BUB1: variants seen among roughly 807,000 people sequenced by gnomAD.
BUB1 encodes mitotic checkpoint serine/threonine-protein kinase BUB1.
In BUB1, 84 loss-of-function variants were observed where a neutral mutation model predicts 135.2. The observed-to-expected ratio is 0.62, with a 90% CI of 0.52 to 0.74. The LOEUF is 0.74. BUB1 is among the 30% of genes least tolerant of loss of function. BUB1 has a pLI of 0.00. For missense variants in BUB1, 1,162 were observed against 1,288.3 expected (o/e 0.90, Z 1.50); for synonymous variants, 403 against 434.4 (o/e 0.93, Z 0.90).
Position 110,660,026 on chromosome 2 carries a change from T to C in BUB1, c.1228A>G (p.Lys410Glu). 1 of 1,610,972 alleles carries C rather than the reference T, an allele frequency of 6.2e-7. No individual in the cohort carries two copies. Among genetic ancestry groups the C allele is most frequent in the South Asian group, 1.1e-5 (1 of 90,946 alleles). The change falls in exon 11 of 25, where the codon AAG becomes GAG. Residue 410 changes from lysine (K) to glutamate (E), a missense_variant. Coordinates refer to ENST00000302759, the MANE Select transcript of BUB1 (RefSeq NM_004336.5). ...VASKDAGCVNKSTHEFKPQSG... is the reference protein window; with the variant it reads ...VASKDAGCVNESTHEFKPQSG... ...TGTGGCTTGAATTCATGAGTACTCT[T>C]ATTCACACATCTGGAAGAGAAAACT...
chr2:110,641,427 A>G lies in BUB1; in HGVS notation c.2663T>C (p.Val888Ala). 6.2e-7 allele frequency: 1 copy of G among 1,613,642 alleles called. No homozygotes were observed. The highest frequency in any genetic ancestry group is 8.5e-7 in the Non-Finnish European group (1 of 1,179,924). The change falls in exon 22 of 25, where the codon GTG becomes GCG. Residue 888 changes from valine to alanine, a missense_variant. Val to Ala is a moderately conservative substitution (Grantham distance 64). Coordinates refer to ENST00000302759, the MANE Select transcript of BUB1 (RefSeq NM_004336.5). ...INLYKNTPEKVMPQGLVISFA... is the reference protein window; with the variant it reads ...INLYKNTPEKAMPQGLVISFA... Reference sequence around the variant, plus strand: ...AGAGATGACAAGACCTTGAGGCATCACTTTTTCAGGGGTATTTTTATAGAG... The same window carrying G: ...AGAGATGACAAGACCTTGAGGCATCGCTTTTTCAGGGGTATTTTTATAGAG...
At chr2:110,674,020 T>C (rs910704900) in intron 3 of BUB1, 66 bp downstream of exon 3, 1 of 1,274,410 alleles carries the variant, frequency 7.8e-7, no homozygotes, top group Middle Eastern at 2.6e-4. Context: ...GATCTTACAA[T>C]CTAAGTTTAA....
In BUB1 at chr2:110,649,248, G is replaced by A. The variant is rs1348002488; in HGVS notation, c.2333C>T (p.Thr778Ile). The A allele has an allele frequency of 1.9e-6, 3 of 1,609,110 alleles. No homozygotes were observed. Among genetic ancestry groups the A allele is most frequent in the Non-Finnish European group, 2.5e-6 (3 of 1,178,526 alleles). ...QCKLPAIKPKTEFQLGSKLVY... is the reference protein window; with the variant it reads ...QCKLPAIKPKIEFQLGSKLVY... ...ATAATTCTTACCCAATTGAAATTCAGTCTTGGGCTTGATGGCTGGAAGTTT... is the reference window on the plus strand; with the variant it reads ...ATAATTCTTACCCAATTGAAATTCAATCTTGGGCTTGATGGCTGGAAGTTT... Residue 778 changes from threonine to isoleucine, a missense_variant, in exon 19 of 25, where the codon ACT (threonine) becomes ATT (isoleucine). Thr to Ile is a moderately conservative substitution (Grantham distance 89, BLOSUM62 -1). Coordinates refer to ENST00000302759, the MANE Select transcript of BUB1 (RefSeq NM_004336.5).
intron 9 of BUB1, among the ~76,000 whole-genome samples, chr2:110,663,843 C>T (rs781205140): frequency 4.5e-4 from 68 of 152,076 alleles, no homozygotes; most frequent in Non-Finnish European, 6.3e-4. Context: ...CCTGGTAACA[C>T]GGTGAAACCC....
At position 110,637,676 on chromosome 2, in the gene BUB1, G is replaced by T; in HGVS notation, c.*288C>A. The T allele has an allele frequency of 5.1e-6, 1 of 197,576 alleles. No individual in the cohort carries two copies. Among genetic ancestry groups the T allele is most frequent in the East Asian group, 1.1e-4 (1 of 8,802 alleles). The allele number at this position is 197,576 out of a possible 1,614,324, so 12.2% of individuals were successfully genotyped here. On this transcript the variant is annotated 3_prime_UTR_variant, in exon 25 of 25. Transcript: ENST00000302759. Reference sequence around the variant, plus strand: ...AAATAGCTGTCTTGGCCCTTTTTTGGCTTAAACAGGTCAGTGTTTAAAAAG... The same window carrying T: ...AAATAGCTGTCTTGGCCCTTTTTTGTCTTAAACAGGTCAGTGTTTAAAAAG...
At chr2:110,644,739 A>T (rs1328995030) in intron 19 of BUB1, among the ~76,000 whole-genome samples, 1 of 152,188 alleles carries the variant, frequency 6.6e-6, no homozygotes, top group Non-Finnish European at 1.5e-5. Flanking sequence ...TGCAAGCAAG[A>T]AGAGAGTGGA....
intron 19 of BUB1, among the ~76,000 whole-genome samples, chr2:110,645,232 G>A (rs1228463796): frequency 6.6e-6 from 1 of 152,054 alleles, no homozygotes; most frequent in Non-Finnish European, 1.5e-5. Context: ...TCAGGAGTTT[G>A]AGACCAGCCT....
chr2:110,664,579 T>C (rs1266810621), intron 9 of BUB1, among the ~76,000 whole-genome samples: 1 of 151,376 alleles, frequency 6.6e-6, no homozygotes, highest in Non-Finnish European at 1.5e-5. Context: ...TGTTGCCTTT[T>C]TTTTTTTTTT....
intron 9 of BUB1, among the ~76,000 whole-genome samples, chr2:110,663,133 A>C (rs951562899): frequency 2.6e-5 from 4 of 152,146 alleles, no homozygotes; most frequent in Non-Finnish European, 5.9e-5. Flanking sequence ...AGAAAAAATT[A>C]GCTGGGCATG....
intron 11 of BUB1, 116 bp from the exon 12 acceptor site, chr2:110,658,858 C>G: frequency 7.6e-7 from 1 of 1,319,938 alleles, no homozygotes; most frequent in Non-Finnish European, 1.0e-6. Context: ...AAAATTATCA[C>G]TAAGAATTTC....
rs772559602 is a variant in BUB1 at position 110,669,497 on chromosome 2, T to G, written c.523A>C (p.Lys175Gln). ...GCCATGTTATTTCCTGGATTTGATT[T>G]TGATGTTATCATTTGATTTAAAACC... ...VQVLNQMITS[K>Q]SNPGNNMACI... The change falls in exon 6 of 25, where the codon AAA becomes CAA. Residue 175 changes from lysine (K) to glutamine (Q), a missense_variant. Lys to Gln is a moderately conservative substitution (Grantham distance 53). Transcript: ENST00000302759. The G allele has an allele frequency of 5.0e-6, 8 of 1,609,308 alleles. No homozygotes were observed. The highest frequency in any genetic ancestry group is 6.8e-6 in the Non-Finnish European group (8 of 1,175,652).
At chr2:110,647,482 C>T (rs1232811674) in intron 19 of BUB1, among the ~76,000 whole-genome samples, 1 of 151,878 alleles carries the variant, frequency 6.6e-6, no homozygotes, top group East Asian at 1.9e-4. Context: ...AACAAAGAAT[C>T]ATATAATCAT....
At chr2:110,673,361 A>G (rs1690474977) in intron 3 of BUB1, among the ~76,000 whole-genome samples, 1 of 152,172 alleles carries the variant, frequency 6.6e-6, no homozygotes, top group African/African-American at 2.4e-5. Context: ...ACTCAGACCC[A>G]GGGAGAGGGT....
rs1484869107 is a variant in BUB1, at chr2:110,661,720, G to T, written c.1079C>A (p.Pro360His). 2.5e-6 allele frequency: 4 copies of T among 1,614,236 alleles called. No individual in the cohort carries two copies. The highest frequency in any genetic ancestry group is 3.4e-6 in the Non-Finnish European group (4 of 1,180,044). ...AGCATTTGCCAAAGGAGGAACAACA[G>T]GAGGTGCCTCTCTTGGGTTCTTTTC... ...NMEKNPREAP[P>H]VVPPLANAIS... The change falls in exon 10 of 25, where the codon CCT (proline) becomes CAT (histidine). Residue 360 changes from proline (P) to histidine (H), a missense_variant. Pro to His is a moderately conservative substitution (Grantham distance 77). Transcript: ENST00000302759.
rs1689697138 is a variant in BUB1 at position 110,648,367 on chromosome 2, C to G, written c.2347+867G>C. On this transcript the variant is annotated intron_variant, in intron 19 of 24. Coordinates refer to ENST00000302759, the MANE Select transcript of BUB1 (RefSeq NM_004336.5). This position sits in a 1 kb window ranked among gnomAD's most constrained non-coding sequence, Gnocchi z 4.2. ...AAAACTACACAGACAGCAAAACAAT[C>G]AGTGGTTGCCAGGCGTTGGGGGACA... Among the ~76,000 whole-genome samples, 1 of 152,108 alleles carries G rather than the reference C, an allele frequency of 6.6e-6. No homozygotes were observed. Among genetic ancestry groups the G allele is most frequent in the South Asian group, 2.1e-4 (1 of 4,830 alleles).
rs761502719 is a variant in BUB1 at position 110,642,075 on chromosome 2, A to C, written c.2463+44T>G. 2.1e-6 allele frequency: 3 copies of C among 1,426,580 alleles called. No homozygotes were observed. In the South Asian group the frequency reaches 3.9e-5, roughly 19 times the overall value. The allele number at this position is 1,426,580 out of a possible 1,614,324, so 88.4% of individuals were successfully genotyped here. ...AATTTCTTGGCAAACTCAAGTTCTA[A>C]AATTCATTTCTATATCATACAAAAG... On this transcript the variant is annotated intron_variant, in intron 20 of 24. Coordinates refer to ENST00000302759, the MANE Select transcript of BUB1 (RefSeq NM_004336.5).
rs750084498 is a variant in BUB1 at position 110,658,657 on chromosome 2, G to A, written c.1362C>T (p.Ser454=). The A allele has an allele frequency of 6.2e-7, 1 of 1,614,162 alleles. No homozygotes were observed. The highest frequency in any genetic ancestry group is 1.1e-5 in the South Asian group (1 of 91,074). Residue 454 remains serine (S), a synonymous_variant, in exon 12 of 25, where the codon TCC becomes TCT. Transcript: ENST00000302759. Reference sequence around the variant, plus strand: ...GCACGGTGGGTGATGGCTGCACTTTGGATGGCGTTGCCTGAACCATTCCCA... The same window carrying A: ...GCACGGTGGGTGATGGCTGCACTTTAGATGGCGTTGCCTGAACCATTCCCA... ...TSLGMVQATP[S]KVQPSPTVHT... is the part of the protein sequence containing the mutation.
chr2:110,637,541 A>C lies in BUB1; in HGVS notation c.*423T>G, dbSNP rs1359096468. ...GAACAGGTACAATAAAGGACAGGCA[A>C]GCTTTATTCATAAAAACTTGAAGTC... On this transcript the variant is annotated 3_prime_UTR_variant, in exon 25 of 25. Transcript: ENST00000302759. 6.6e-6 allele frequency among the ~76,000 whole-genome samples: 1 copy of C among 152,032 alleles called. No homozygotes were observed. The highest frequency in any genetic ancestry group is 1.5e-5 in the Non-Finnish European group (1 of 68,022).
chr2:110,652,579 A>AT (rs77655872), intron 17 of BUB1, among the ~76,000 whole-genome samples: 94,719 of 152,008 alleles, frequency 0.62, 33,175 homozygotes, highest in Non-Finnish European at 0.78. Flanking sequence ...GGCTTGAAGG[A>AT]TGCTGTCTGT....
Sources: gnomAD v4.1 joint callset for allele counts (sites outside exome capture counted in the v4.1 genomes callset) on GRCh38, gnomAD v4.1.1 for gene constraint, Gnocchi (gnomAD v3.1) non-coding constraint, MANE v1.5 for transcripts, NCBI Gene and HGNC (gene_info 2026-07-23, HGNC 2026-07-21) for gene names.